RYR3: variants seen among roughly 807,000 people sequenced by gnomAD.
The protein encoded by RYR3 is ryanodine receptor 3, also known as brain ryanodine receptor-calcium release channel.
RYR3 carries 207 observed loss-of-function variants against 584.3 expected under a neutral mutation model. That is an observed-to-expected ratio of 0.35 (90% CI 0.32 to 0.40). The LOEUF (loss-of-function observed/expected upper bound fraction) is 0.40, where lower values mean the gene tolerates loss of function less well. Among genes scored for constraint, RYR3 ranks in the 10% least tolerant of loss-of-function variants. RYR3 has a pLI of 1.00. For synonymous variants in RYR3, 2,416 were observed against 2,248.5 expected, an observed-to-expected ratio of 1.07 and a Z score of -2.11; for missense variants, 5,616 against 6,089.2, an observed-to-expected ratio of 0.92 and a Z score of 2.59.
chr15:33,818,243 G>A (rs1429846644), intron 75 of RYR3, among the ~76,000 whole-genome samples: 3 of 152,160 alleles, frequency 2.0e-5, no homozygotes, highest in Non-Finnish European at 2.9e-5. Context: ...GAACTCGGGT[G>A]CCCAGAGCTT....
At chr15:33,407,437 A>C (rs1006403751) in intron 1 of RYR3, among the ~76,000 whole-genome samples, 7 of 152,232 alleles carry the variant, frequency 4.6e-5, no homozygotes, top group African/African-American at 1.7e-4. Context: ...AGTTGCAGGC[A>C]GCAGGAACAG....
At chr15:33,749,000 GAAT>G (rs1422932007) in intron 55 of RYR3, among the ~76,000 whole-genome samples, 2 of 152,092 alleles carry the variant, frequency 1.3e-5, no homozygotes, top group African/African-American at 2.4e-5. Context: ...ATTGCTTAGA[GAAT>G]AATGACAAGA....
intron 85 of RYR3, among the ~76,000 whole-genome samples, chr15:33,829,163 G>T (rs1218339054): frequency 1.4e-5 from 2 of 141,660 alleles, no homozygotes; most frequent in African/African-American, 2.6e-5. Flanking sequence ...GACACCAACT[G>T]CTCAGAAAAA....
chr15:33,587,138 G>A (rs982448200), intron 16 of RYR3, among the ~76,000 whole-genome samples: 4 of 152,184 alleles, frequency 2.6e-5, no homozygotes, highest in Admixed American at 2.0e-4. Flanking sequence ...TTAGCATGTG[G>A]GAAATTGTTT....
At chr15:33,658,002 G>A (rs2152698515) in intron 32 of RYR3, among the ~76,000 whole-genome samples, 1 of 152,314 alleles carries the variant, frequency 6.6e-6, no homozygotes, top group South Asian at 2.1e-4. Context: ...TGTGACAATT[G>A]CTTTGACAAA....
intron 60 of RYR3, among the ~76,000 whole-genome samples, chr15:33,764,358 A>G (rs1452886328): frequency 1.3e-5 from 2 of 152,152 alleles, no homozygotes; most frequent in Non-Finnish European, 2.9e-5. Flanking sequence ...GTTCTCACTC[A>G]TAAGTGGGAG....
intron 2 of RYR3, among the ~76,000 whole-genome samples, chr15:33,503,031 A>G (rs887041943): frequency 6.6e-6 from 1 of 152,228 alleles, no homozygotes; most frequent in African/African-American, 2.4e-5. Context: ...TCACGATGTT[A>G]ACTGGTCACT....
chr15:33,852,978 A>T, intron 94 of RYR3, 67 bp from the exon 95 acceptor site: 1 of 1,380,976 alleles, frequency 7.2e-7, no homozygotes, highest in Non-Finnish European at 1.0e-6. Flanking sequence ...TCAAACTGAA[A>T]CGTTTCTTGA....
chr15:33,389,007 C>A (rs1595935556), intron 1 of RYR3, among the ~76,000 whole-genome samples: 1 of 145,192 alleles, frequency 6.9e-6, no homozygotes, highest in East Asian at 2.1e-4. Flanking sequence ...AAACCAAACA[C>A]CGCATGTTTA....
intron 57 of RYR3, among the ~76,000 whole-genome samples, chr15:33,752,212 G>A (rs1297296482): frequency 6.6e-6 from 1 of 152,100 alleles, no homozygotes; most frequent in Non-Finnish European, 1.5e-5. Context: ...TGGCTATGCG[G>A]GCTCTTTTTT....
chr15:33,840,693 T>C (rs2078304593), intron 89 of RYR3, 132 bp from the exon 90 acceptor site: 2 of 753,086 alleles, frequency 2.7e-6, no homozygotes, highest in Non-Finnish European at 4.6e-6. Context: ...TTATGTTCAG[T>C]GATCCTGAGA....
At chr15:33,500,943 G>C (rs901748964) in intron 2 of RYR3, among the ~76,000 whole-genome samples, 5 of 152,268 alleles carry the variant, frequency 3.3e-5, no homozygotes, top group African/African-American at 9.6e-5. Flanking sequence ...CAGTTGCTCT[G>C]TTCCCTCCCT....
chr15:33,457,824 C>G (rs1172141222), intron 1 of RYR3, among the ~76,000 whole-genome samples: 1 of 152,222 alleles, frequency 6.6e-6, no homozygotes. Context: ...ACATCACACT[C>G]TACCCCACAA....
At chr15:33,814,325 C>T (rs2076692778) in intron 74 of RYR3, among the ~76,000 whole-genome samples, 2 of 152,108 alleles carry the variant, frequency 1.3e-5, no homozygotes, top group East Asian at 3.9e-4. Context: ...ATAAACAAAG[C>T]TGGTAATTGA....
At chr15:33,667,299 T>G in intron 36 of RYR3, among the ~76,000 whole-genome samples, 1 of 152,240 alleles carries the variant, frequency 6.6e-6, no homozygotes, top group Non-Finnish European at 1.5e-5. Flanking sequence ...AGGTGTTCAA[T>G]GACCTGGGGT....
chr15:33,510,896 C>T (rs970731983), intron 3 of RYR3, among the ~76,000 whole-genome samples: 2 of 151,954 alleles, frequency 1.3e-5, no homozygotes, highest in Non-Finnish European at 2.9e-5. Flanking sequence ...TTAATGTTTC[C>T]CTGATAAGCT....
chr15:33,865,809 TTTTATG>T lies in RYR3; in HGVS notation c.*587_*592del, dbSNP rs1328484244. On this transcript the variant is annotated 3_prime_UTR_variant, in exon 104 of 104. Coordinates refer to ENST00000634891, the MANE Select transcript of RYR3 (RefSeq NM_001036.6). Reference sequence around the variant, plus strand: ...CTCTTTAGACATAGCTATGCAAGTTTTTTATGTTTGTGTTCCAGAAGGACAGTTCCA... The same window carrying T: ...CTCTTTAGACATAGCTATGCAAGTTTTTTGTGTTCCAGAAGGACAGTTCCA... The T allele has an allele frequency of 6.5e-6, 1 of 152,900 alleles. No homozygotes were observed. The highest frequency in any genetic ancestry group is 2.4e-5 in the African/African-American group (1 of 41,464). The allele number at this position is 152,900 out of a possible 1,614,324, so 9.5% of individuals were successfully genotyped here. A position where few individuals can be genotyped will look rare whatever the true frequency, so the allele number is the denominator to read the frequency against.
intron 20 of RYR3, 45 bp from the exon 21 acceptor site, chr15:33,628,426 G>C: frequency 7.3e-7 from 1 of 1,375,960 alleles, no homozygotes; most frequent in South Asian, 1.2e-5. Context: ...TTTTATGATA[G>C]GTTTCAAAAC....
chr15:33,645,334 T>TA (rs1034599759), intron 28 of RYR3, among the ~76,000 whole-genome samples: 4 of 151,904 alleles, frequency 2.6e-5, no homozygotes, highest in Non-Finnish European at 5.9e-5. Flanking sequence ...AGTGTTGATT[T>TA]AAAAAAAATG....
Sources: allele counts gnomAD v4.1 joint callset (sites outside exome capture counted in the v4.1 genomes callset), GRCh38; gene constraint gnomAD v4.1.1; transcripts MANE v1.5; gene names NCBI Gene and HGNC (gene_info 2026-07-23, HGNC 2026-07-21).